The following DACH1 variants were observed in gnomAD, a reference collection of about 807,000 sequenced individuals.
The protein encoded by DACH1 is dachshund homolog 1.
A neutral mutation model predicts 54.2 loss-of-function variants in DACH1; 12 were observed. That is an observed-to-expected ratio of 0.22 (90% confidence interval 0.14 to 0.36). The LOEUF (loss-of-function observed/expected upper bound fraction) is 0.36. Among genes scored for constraint, DACH1 ranks in the 10% least tolerant of loss-of-function variants. DACH1 has a pLI of 1.00. For missense variants in DACH1, 805 were observed against 929.8 expected, an observed-to-expected ratio of 0.87 and a Z score of 1.75; for synonymous variants, 386 against 366.2, an observed-to-expected ratio of 1.05 and a Z score of -0.62.
At chr13:71,502,674 T>G (rs1447597958) in intron 6 of DACH1, among the ~76,000 whole-genome samples, 1 of 152,236 alleles carries the variant, frequency 6.6e-6, no homozygotes, top group Non-Finnish European at 1.5e-5. Flanking sequence ...ATGCAACAAA[T>G]TATCTTCTGC....
chr13:71,803,278 A>G (rs1887360156), intron 1 of DACH1, among the ~76,000 whole-genome samples: 1 of 152,106 alleles, frequency 6.6e-6, no homozygotes, highest in Admixed American at 6.6e-5. Flanking sequence ...TAGCAATTTC[A>G]TTACACAACT....
At chr13:71,593,428 C>T (rs982309543) in intron 3 of DACH1, among the ~76,000 whole-genome samples, 5 of 152,052 alleles carry the variant, frequency 3.3e-5, no homozygotes. Flanking sequence ...GATGCCAACC[C>T]ATTTCCAGAT....
chr13:71,796,526 T>C (rs1027819483), intron 1 of DACH1, among the ~76,000 whole-genome samples: 2 of 152,132 alleles, frequency 1.3e-5, no homozygotes, highest in Admixed American at 6.6e-5. Flanking sequence ...TAATGAATGA[T>C]TTAAGGTTAC....
At chr13:71,768,960 T>C (rs1885745310) in intron 1 of DACH1, among the ~76,000 whole-genome samples, 1 of 151,892 alleles carries the variant, frequency 6.6e-6, no homozygotes. Flanking sequence ...TGTATTACAC[T>C]ACTTTATCTT....
chr13:71,864,189 A>C (rs1874551407), intron 1 of DACH1, among the ~76,000 whole-genome samples: 1 of 116,752 alleles, frequency 8.6e-6, no homozygotes. Context: ...ATACACACAC[A>C]CACACACACA....
intron 3 of DACH1, among the ~76,000 whole-genome samples, chr13:71,608,292 C>T (rs1206160924): frequency 6.6e-6 from 1 of 151,886 alleles, no homozygotes; most frequent in Non-Finnish European, 1.5e-5. Context: ...GACTAATACA[C>T]ATTAAAATTC....
chr13:71,538,395 A>G, intron 6 of DACH1, among the ~76,000 whole-genome samples: 1 of 145,784 alleles, frequency 6.9e-6, no homozygotes, highest in East Asian at 2.0e-4. Context: ...AAACACAATT[A>G]CTTCATCAAA....
At chr13:71,715,529 T>C (rs1195333149) in intron 1 of DACH1, among the ~76,000 whole-genome samples, 1 of 152,042 alleles carries the variant, frequency 6.6e-6, no homozygotes. Flanking sequence ...CATTTCTAAC[T>C]CAATGTCACT....
chr13:71,675,128 C>T, intron 2 of DACH1: 2 of 1,579,624 alleles, frequency 1.3e-6, no homozygotes, highest in Non-Finnish European at 1.7e-6. Flanking sequence ...AAGTAACTGG[C>T]TACAAAAGCC....
intron 1 of DACH1, among the ~76,000 whole-genome samples, chr13:71,783,961 GT>G (rs1283816074): frequency 1.8e-5 from 2 of 108,158 alleles, no homozygotes; most frequent in East Asian, 6.0e-4. Context: ...ATTCTCCAAG[GT>G]TTAAAAAAAA....
intron 1 of DACH1, among the ~76,000 whole-genome samples, chr13:71,734,966 A>C (rs1248590852): frequency 9.4e-6 from 1 of 106,562 alleles, no homozygotes; most frequent in African/African-American, 2.6e-5. Flanking sequence ...ATATATATAT[A>C]TATACACACA....
At chr13:71,484,795 C>T (rs867630333) in intron 7 of DACH1, among the ~76,000 whole-genome samples, 1 of 152,034 alleles carries the variant, frequency 6.6e-6, no homozygotes, top group African/African-American at 2.4e-5. Flanking sequence ...GGCCCGGGCG[C>T]GGTGGCTCAC....
At chr13:71,667,004 CA>C (rs1879885609) in intron 2 of DACH1, among the ~76,000 whole-genome samples, 1 of 151,744 alleles carries the variant, frequency 6.6e-6, no homozygotes, top group East Asian at 1.9e-4. Flanking sequence ...AAAATAAAAA[CA>C]AAAAAATGAA....
chr13:71,449,360 T>A lies in DACH1; in HGVS notation c.2084-8668A>T, dbSNP rs531953468. ...AAAAAGAAAGAAAAGAAATAGGTAA[T>A]GAATTACATAATAGACCAACATGGC... On this transcript the variant is annotated intron_variant, in intron 10 of 10. Transcript: ENST00000613252. Among the ~76,000 whole-genome samples the A allele has an allele frequency of 4.6e-5, 7 of 152,024 alleles. No individual in the cohort carries two copies. The East Asian group carries it at 1.4e-3, about 29-fold the overall frequency.
intron 1 of DACH1, among the ~76,000 whole-genome samples, chr13:71,825,887 T>C (rs1888358491): frequency 6.6e-6 from 1 of 152,092 alleles, no homozygotes; most frequent in South Asian, 2.1e-4. Context: ...ATCTATAATA[T>C]TTTGCTTCTG....
At chr13:71,630,888 T>C (rs1222770032) in intron 2 of DACH1, among the ~76,000 whole-genome samples, 171 bp from the exon 3 acceptor site, 1 of 152,108 alleles carries the variant, frequency 6.6e-6, no homozygotes, top group African/African-American at 2.4e-5. Context: ...AACATTGATA[T>C]AAGGGGGAGA....
chr13:71,513,956 T>C (rs1880973004), intron 6 of DACH1, among the ~76,000 whole-genome samples: 1 of 152,084 alleles, frequency 6.6e-6, no homozygotes, highest in South Asian at 2.1e-4. Flanking sequence ...TGTATTAATA[T>C]TTTATCTGCC....
chr13:71,612,603 G>A (rs187301705), intron 3 of DACH1, among the ~76,000 whole-genome samples: 2 of 152,162 alleles, frequency 1.3e-5, no homozygotes, highest in South Asian at 2.1e-4. Flanking sequence ...AGCAAAAAAC[G>A]ATCTTCTCTG....
chr13:71,625,527 CT>C (rs1341825606), intron 3 of DACH1, among the ~76,000 whole-genome samples: 1 of 151,864 alleles, frequency 6.6e-6, no homozygotes, highest in East Asian at 1.9e-4. Flanking sequence ...AACTGCCTGG[CT>C]TTTTTTCCCT....
Sources: allele counts gnomAD v4.1 joint callset (sites outside exome capture counted in the v4.1 genomes callset), GRCh38; gene constraint gnomAD v4.1.1; transcripts MANE v1.5; gene names NCBI Gene and HGNC (gene_info 2026-07-23, HGNC 2026-07-21).